The following PTPRD variants were observed in gnomAD, a reference collection of about 807,000 sequenced individuals.
The protein encoded by PTPRD is receptor-type tyrosine-protein phosphatase delta.
A neutral mutation model predicts 214.5 loss-of-function variants in PTPRD; 34 were observed. That is an observed-to-expected ratio of 0.16 (90% CI 0.12 to 0.21). The LOEUF is 0.21. Ranked by LOEUF, PTPRD falls within the 10% of genes least tolerant of loss-of-function variation. The pLI is 1.00. For synonymous variants in PTPRD, 1,128 were observed against 845.7 expected, an observed-to-expected ratio of 1.33 and a Z score of -5.79; for missense variants, 2,545 against 2,398.7, an observed-to-expected ratio of 1.06 and a Z score of -1.27.
chr9:8,722,893 T>C (rs2098516681), intron 12 of PTPRD, among the ~76,000 whole-genome samples: 1 of 152,234 alleles, frequency 6.6e-6, no homozygotes, highest in Non-Finnish European at 1.5e-5. Context: ...CAAGTCTATA[T>C]CGGCTGGTGC....
At chr9:8,632,945 G>A (rs1465680119) in intron 14 of PTPRD, among the ~76,000 whole-genome samples, 1 of 151,950 alleles carries the variant, frequency 6.6e-6, no homozygotes, top group Non-Finnish European at 1.5e-5. Flanking sequence ...AATGTCAGCT[G>A]TGGTAGTTGT....
intron 3 of PTPRD, among the ~76,000 whole-genome samples, chr9:10,284,062 C>T (rs770592570): frequency 9.2e-5 from 14 of 152,066 alleles, no homozygotes; most frequent in Non-Finnish European, 1.6e-4. Flanking sequence ...ACTCTCTGCT[C>T]GGCTTATCTC....
intron 2 of PTPRD, among the ~76,000 whole-genome samples, chr9:10,463,816 T>C (rs1320864775): frequency 2.0e-5 from 3 of 151,914 alleles, no homozygotes; most frequent in Non-Finnish European, 4.4e-5. Flanking sequence ...CCCAAGCAAG[T>C]TGTAATTCAC....
intron 8 of PTPRD, among the ~76,000 whole-genome samples, chr9:9,512,066 A>G (rs1590274907): frequency 6.6e-6 from 1 of 151,806 alleles, no homozygotes; most frequent in Non-Finnish European, 1.5e-5. Flanking sequence ...TCCAGTTTCT[A>G]TGGAGCCAGA....
At chr9:9,408,473 C>T (rs2141772620) in intron 8 of PTPRD, among the ~76,000 whole-genome samples, 1 of 151,868 alleles carries the variant, frequency 6.6e-6, no homozygotes, top group South Asian at 2.1e-4. Flanking sequence ...CTTGTTTGTT[C>T]AGAGCCCTAA....
At chr9:8,448,421 C>G (rs997857042) in intron 34 of PTPRD, among the ~76,000 whole-genome samples, 2 of 152,046 alleles carry the variant, frequency 1.3e-5, no homozygotes, top group Admixed American at 6.6e-5. Flanking sequence ...AAAGCGCTGA[C>G]CCAATGAAAT....
Position 10,162,653 on chromosome 9 carries a change from A to ATATATACATGTATATG in PTPRD, c.-544-128879_-544-128864dup, listed in dbSNP as rs1240067515. Reference sequence around the variant, plus strand: ...CATGTATATAAACATATATATACACATATATACATGTATATGTATATACAT... The same window carrying ATATATACATGTATATG: ...CATGTATATAAACATATATATACACATATATACATGTATATGTATATACATGTATATGTATATACAT... On this transcript the variant is annotated intron_variant, in intron 3 of 45. Coordinates refer to ENST00000381196, the MANE Select transcript of PTPRD (RefSeq NM_002839.4). Among the ~76,000 whole-genome samples, 41 of 148,004 alleles carry ATATATACATGTATATG rather than the reference A, an allele frequency of 2.8e-4. No individual in the cohort carries two copies. In the South Asian group the frequency reaches 8.4e-3, roughly 30 times the overall value.
intron 2 of PTPRD, among the ~76,000 whole-genome samples, chr9:10,512,362 G>A (rs891315914): frequency 1.3e-5 from 2 of 151,870 alleles, no homozygotes; most frequent in Admixed American, 6.6e-5. Context: ...ATCATTGAGA[G>A]AAAGTATACT....
At chr9:10,292,119 C>T (rs1050678715) in intron 3 of PTPRD, among the ~76,000 whole-genome samples, 4 of 151,986 alleles carry the variant, frequency 2.6e-5, no homozygotes, top group Non-Finnish European at 5.9e-5. Context: ...AATCATTCAT[C>T]GTAATTTTAT....
intron 11 of PTPRD, among the ~76,000 whole-genome samples, chr9:8,784,395 G>A (rs145549779): frequency 6.6e-6 from 1 of 152,116 alleles, no homozygotes; most frequent in Non-Finnish European, 1.5e-5. Context: ...ATGAAGTAAA[G>A]GCAGATATTT....
intron 9 of PTPRD, among the ~76,000 whole-genome samples, chr9:9,213,525 T>C (rs900711075): frequency 1.3e-5 from 2 of 151,840 alleles, no homozygotes; most frequent in Admixed American, 6.6e-5. Context: ...TTTTTGTTTG[T>C]TTGTTTGTTT....
chr9:8,972,887 T>C (rs1168179819), intron 11 of PTPRD, among the ~76,000 whole-genome samples: 1 of 151,968 alleles, frequency 6.6e-6, no homozygotes, highest in Non-Finnish European at 1.5e-5. Flanking sequence ...ATTCCTATTC[T>C]AGTTAACTTG....
intron 8 of PTPRD, among the ~76,000 whole-genome samples, chr9:9,405,372 G>C (rs1330026800): frequency 6.6e-6 from 1 of 152,006 alleles, no homozygotes; most frequent in Non-Finnish European, 1.5e-5. Flanking sequence ...TACCATAGAA[G>C]TTGTAGGCAA....
At chr9:9,252,681 A>G (rs1213644319) in intron 9 of PTPRD, among the ~76,000 whole-genome samples, 1 of 151,914 alleles carries the variant, frequency 6.6e-6, no homozygotes. Context: ...TGGTCTTTCT[A>G]TGTTACCCAG....
chr9:8,619,076 A>G (rs534808894), intron 14 of PTPRD, among the ~76,000 whole-genome samples: 23 of 151,330 alleles, frequency 1.5e-4, no homozygotes, highest in African/African-American at 5.1e-4. Flanking sequence ...TTATTTTTTA[A>G]TTGAGACATA....
intron 4 of PTPRD, among the ~76,000 whole-genome samples, chr9:9,968,534 C>T (rs1243515988): frequency 6.6e-6 from 1 of 152,002 alleles, no homozygotes; most frequent in Non-Finnish European, 1.5e-5. Context: ...ACATAGTGGT[C>T]CAGAGAATGC....
At chr9:8,668,179 C>T (rs772522865) in intron 12 of PTPRD, among the ~76,000 whole-genome samples, 1 of 152,122 alleles carries the variant, frequency 6.6e-6, no homozygotes, top group Non-Finnish European at 1.5e-5. Flanking sequence ...ATGTAAGCAA[C>T]ACCAAGAACA....
Position 9,598,987 on chromosome 9 carries a change from T to A in PTPRD, c.-286-24206A>T, listed in dbSNP as rs191646658. On this transcript the variant is annotated intron_variant, in intron 7 of 45. Coordinates refer to ENST00000381196, the MANE Select transcript of PTPRD (RefSeq NM_002839.4). The stretch of plus-strand genomic sequence containing the variant: ...CTCATATTGTACTCTTTCGAACTAA[T>A]ACATGAGAATAATATTTTTACACTG... Among the ~76,000 whole-genome samples the A allele has an allele frequency of 4.6e-5, 7 of 152,126 alleles. No homozygotes were observed. In the East Asian group the frequency reaches 1.4e-3, roughly 29 times the overall value.
chr9:10,154,137 AT>A (rs1161890066), intron 3 of PTPRD, among the ~76,000 whole-genome samples: 1 of 151,970 alleles, frequency 6.6e-6, no homozygotes, highest in Non-Finnish European at 1.5e-5. Context: ...AGCATCTGTA[AT>A]TTTTTGACTT....
Sources: gnomAD v4.1 joint callset for allele counts (sites outside exome capture counted in the v4.1 genomes callset) on GRCh38, gnomAD v4.1.1 for gene constraint, MANE v1.5 for transcripts, NCBI Gene and HGNC (gene_info 2026-07-23, HGNC 2026-07-21) for gene names.